Variants in SHISA9 observed in about 807,000 individuals in gnomAD.
SHISA9 encodes protein shisa-9.
Under a neutral mutation model 38.0 loss-of-function variants are expected in SHISA9, and 13 were observed. The ratio of observed to expected loss-of-function variants is 0.34; its 90% CI spans 0.22 to 0.54. The LOEUF (loss-of-function observed/expected upper bound fraction) is 0.54. Ranked by LOEUF, SHISA9 falls within the 20% of genes least tolerant of loss-of-function variation. SHISA9 has a pLI of 0.91. For synonymous variants in SHISA9, 275 were observed against 242.0 expected (o/e 1.14, Z -1.27); for missense variants, 538 against 575.8 (o/e 0.93, Z 0.67).
chr16:13,469,355 AAAG>A, the SHISA9 span, among the ~76,000 whole-genome samples: 996 of 123,840 alleles, frequency 8.0e-3, 8 homozygotes, highest in East Asian at 0.015. Flanking sequence ...AGAAAGAAAG[AAAG>A]AAAAGAAAAA....
At chr16:13,270,254 T>G in the SHISA9 span, among the ~76,000 whole-genome samples, 1 of 152,142 alleles carries the variant, frequency 6.6e-6, no homozygotes. Context: ...AGCATTGGGC[T>G]GATACATTGC....
the SHISA9 span, among the ~76,000 whole-genome samples, chr16:13,529,018 C>G: frequency 1.3e-5 from 2 of 152,166 alleles, no homozygotes; most frequent in Non-Finnish European, 2.9e-5. Flanking sequence ...ACTGAACAGA[C>G]TCCCTCTTGG....
At chr16:13,256,175 G>T in the SHISA9 span, among the ~76,000 whole-genome samples, 2 of 152,152 alleles carry the variant, frequency 1.3e-5, no homozygotes, top group Non-Finnish European at 2.9e-5. Flanking sequence ...AATCCTTTAA[G>T]ACGCAGATCA....
At chr16:13,398,502 A>C in the SHISA9 span, among the ~76,000 whole-genome samples, 1 of 140,310 alleles carries the variant, frequency 7.1e-6, no homozygotes, top group Admixed American at 7.1e-5. Flanking sequence ...TTTATTCACC[A>C]TTTTTTTTTT....
chr16:13,242,903 G>A (rs532898449), downstream of SHISA9, among the ~76,000 whole-genome samples: 12 of 152,218 alleles, frequency 7.9e-5, no homozygotes, highest in East Asian at 3.9e-4. Context: ...CCAGGTACTC[G>A]GTGTAGACCC....
At chr16:12,954,541 C>T (rs1433508184) in intron 2 of SHISA9, among the ~76,000 whole-genome samples, 1 of 152,094 alleles carries the variant, frequency 6.6e-6, no homozygotes, top group Non-Finnish European at 1.5e-5. Context: ...TGACACCTTC[C>T]ATGTGGCCTA....
intron 2 of SHISA9, among the ~76,000 whole-genome samples, chr16:13,006,839 C>T (rs1307855782): frequency 6.6e-6 from 1 of 152,144 alleles, no homozygotes. Flanking sequence ...ATCCCCCGTC[C>T]CCCACCCTTG....
intron 2 of SHISA9, among the ~76,000 whole-genome samples, chr16:13,171,305 A>C (rs1282230936): frequency 2.0e-5 from 3 of 152,148 alleles, no homozygotes; most frequent in African/African-American, 7.2e-5. Flanking sequence ...ACATTTCAAC[A>C]TGAGATTTGG....
chr16:13,002,425 G>C lies in SHISA9; in HGVS notation c.691+85610G>C, dbSNP rs529863575. Among the ~76,000 whole-genome samples the C allele has an allele frequency of 3.9e-5, 6 of 152,202 alleles. 1 individual carries two copies. The South Asian group carries it at 1.2e-3, about 32-fold the overall frequency. The stretch of plus-strand genomic sequence containing the variant: ...TCGTTGTCCACAAGCGACGGCTCCA[G>C]GAAGTTAAGTCTCATAACCAGTTAT... On this transcript the variant is annotated intron_variant, in intron 2 of 4. Transcript: ENST00000558583.
At chr16:12,997,752 A>T (rs2072476308) in intron 2 of SHISA9, among the ~76,000 whole-genome samples, 1 of 152,106 alleles carries the variant, frequency 6.6e-6, no homozygotes, top group Non-Finnish European at 1.5e-5. Context: ...CTGATTTCCC[A>T]TCTGGCCTCA....
At chr16:13,312,035 C>G in the SHISA9 span, among the ~76,000 whole-genome samples, 2 of 152,204 alleles carry the variant, frequency 1.3e-5, no homozygotes, top group Non-Finnish European at 2.9e-5. Context: ...GGGGGACAAT[C>G]TAACTGACTC....
chr16:12,941,380 T>C (rs2071609176), intron 2 of SHISA9, among the ~76,000 whole-genome samples: 2 of 152,198 alleles, frequency 1.3e-5, no homozygotes, highest in South Asian at 4.1e-4. Flanking sequence ...TATATTTTAA[T>C]GTTTTTGATA....
At chr16:13,019,881 TCCC>T (rs1567184056) in intron 2 of SHISA9, among the ~76,000 whole-genome samples, 755 of 16,592 alleles carry the variant, frequency 0.046, 72 homozygotes, top group African/African-American at 0.05. Flanking sequence ...CCTCCCTCCC[TCCC>T]TTCTTTCTTT....
At chr16:13,274,349 A>G in the SHISA9 span, among the ~76,000 whole-genome samples, 1 of 152,146 alleles carries the variant, frequency 6.6e-6, no homozygotes, top group Non-Finnish European at 1.5e-5. Context: ...CTGCTTTAGC[A>G]TCAGCTTTTA....
chr16:13,128,261 C>T (rs2050278203), intron 2 of SHISA9, among the ~76,000 whole-genome samples: 1 of 152,132 alleles, frequency 6.6e-6, no homozygotes, highest in Non-Finnish European at 1.5e-5. Context: ...TATTTTTGGG[C>T]CCATTCTTAG....
chr16:12,986,713 C>G (rs927023073), intron 2 of SHISA9, among the ~76,000 whole-genome samples: 3 of 152,234 alleles, frequency 2.0e-5, no homozygotes, highest in African/African-American at 7.2e-5. Flanking sequence ...TTAGGAAACA[C>G]TAACTGTACC....
At chr16:13,550,088 G>A in the SHISA9 span, among the ~76,000 whole-genome samples, 11 of 151,862 alleles carry the variant, frequency 7.2e-5, no homozygotes, top group South Asian at 1.7e-3. Context: ...GAGTGACCCC[G>A]GGAAGATCTA....
intron 2 of SHISA9, among the ~76,000 whole-genome samples, chr16:13,086,954 C>A (rs1192444087): frequency 6.6e-6 from 1 of 150,692 alleles, no homozygotes; most frequent in Non-Finnish European, 1.5e-5. Context: ...CTAATGCTAT[C>A]CCTCCCCAAG....
intron 2 of SHISA9, among the ~76,000 whole-genome samples, chr16:13,180,143 A>G (rs904800274): frequency 2.0e-5 from 3 of 152,240 alleles, no homozygotes; most frequent in African/African-American, 7.2e-5. Context: ...CATTTGTTCA[A>G]TGAATGTAGA....
Sources: allele counts gnomAD v4.1 joint callset (sites outside exome capture counted in the v4.1 genomes callset), GRCh38; gene constraint gnomAD v4.1.1; transcripts MANE v1.5; gene names NCBI Gene and HGNC (gene_info 2026-07-23, HGNC 2026-07-21).